Variants in PARD3 observed in about 807,000 individuals in gnomAD.
The protein encoded by PARD3 is partitioning defective 3 homolog.
A neutral mutation model predicts 155.4 loss-of-function variants in PARD3; 75 were observed. That is an observed-to-expected ratio of 0.48 (90% CI 0.40 to 0.58). PARD3 has a LOEUF of 0.58. PARD3 is among the 20% of genes least tolerant of loss of function. The pLI is 0.00. For missense variants in PARD3, 1,642 were observed against 1,721.7 expected, an observed-to-expected ratio of 0.95 and a Z score of 0.82; for synonymous variants, 576 against 610.5, an observed-to-expected ratio of 0.94 and a Z score of 0.83.
At chr10:34,381,912 CAAAAAAAAAAAAAAA>C (rs202053812) in intron 9 of PARD3, among the ~76,000 whole-genome samples, 141 of 71,884 alleles carry the variant, frequency 2.0e-3, no homozygotes, top group East Asian at 4.9e-3. Flanking sequence ...GGCCCTGTCT[CAAAAAAAAAAAAAAA>C]AAAAAAAAAA....
intron 2 of PARD3, among the ~76,000 whole-genome samples, chr10:34,684,834 T>TAC (rs1564504866): frequency 1.7e-4 from 14 of 84,132 alleles, no homozygotes; most frequent in African/African-American, 3.5e-4. Flanking sequence ...CACACACATA[T>TAC]ATACACACAC....
rs74785441 is a variant in PARD3, at chr10:34,372,618, G to T, written c.1669-82C>A. 1.7e-4 allele frequency: 172 copies of T among 1,028,218 alleles called. No homozygotes were observed. In the African/African-American group the frequency reaches 2.6e-3, roughly 15 times the overall value. The allele number at this position is 1,028,218 out of a possible 1,614,324, so 63.7% of individuals were successfully genotyped here. A position where few individuals can be genotyped will look rare whatever the true frequency, so the allele number is the denominator to read the frequency against. On this transcript the variant is annotated intron_variant, in intron 11 of 24. Transcript: ENST00000374788. ...CAGGGACACAATGATTTATTTTAAA[G>T]AAAATTTTGTTGATTCTTAAAATCC...
At chr10:34,749,562 C>G (rs1184925189) in intron 1 of PARD3, among the ~76,000 whole-genome samples, 2 of 151,542 alleles carry the variant, frequency 1.3e-5, no homozygotes, top group Non-Finnish European at 2.9e-5. Context: ...GTTTAAATCC[C>G]TAGGAAATAC....
At chr10:34,147,794 A>G (rs1948591054) in intron 22 of PARD3, among the ~76,000 whole-genome samples, 1 of 152,170 alleles carries the variant, frequency 6.6e-6, no homozygotes, top group Admixed American at 6.5e-5. Flanking sequence ...TTACCCAGCC[A>G]AGGTGCTGCC....
chr10:34,769,576 CA>C lies in PARD3; in HGVS notation c.120+45299del, dbSNP rs1838574628. 2.0e-5 allele frequency among the ~76,000 whole-genome samples: 3 copies of C among 151,532 alleles called. No homozygotes were observed. In the South Asian group the frequency reaches 6.3e-4, roughly 32 times the overall value. ...TCCGACACCAGCTTGGGCAACACGG[CA>C]AAAACCTGTCTCCATAAAAAATACA... is the stretch of plus-strand genomic sequence containing the variant. On this transcript the variant is annotated intron_variant, in intron 1 of 24. Coordinates refer to ENST00000374788, the MANE Select transcript of PARD3 (RefSeq NM_001184785.2).
At chr10:34,372,381 A>G (rs1246072741) in intron 12 of PARD3, 117 bp downstream of exon 12, 4 of 804,048 alleles carry the variant, frequency 5.0e-6, no homozygotes, top group Non-Finnish European at 8.6e-6. Context: ...AAACCCATGT[A>G]TTAAATATTA....
chr10:34,519,113 G>A (rs1360975665), intron 2 of PARD3, among the ~76,000 whole-genome samples: 1 of 152,126 alleles, frequency 6.6e-6, no homozygotes, highest in African/African-American at 2.4e-5. Context: ...AAGTATCAAG[G>A]GTCATGAAAG....
At chr10:34,288,329 A>C (rs1222910300) in intron 20 of PARD3, among the ~76,000 whole-genome samples, 1 of 152,202 alleles carries the variant, frequency 6.6e-6, no homozygotes, top group African/African-American at 2.4e-5. Context: ...AAATTATGTG[A>C]TTTCTTTAAG....
intron 22 of PARD3, among the ~76,000 whole-genome samples, chr10:34,262,629 C>T (rs954012575): frequency 6.6e-6 from 1 of 152,158 alleles, no homozygotes; most frequent in Admixed American, 6.5e-5. Context: ...TTGATGTAAA[C>T]AGAAATGCCA....
intron 2 of PARD3, among the ~76,000 whole-genome samples, chr10:34,628,690 C>A (rs1025157372): frequency 6.6e-6 from 1 of 152,204 alleles, no homozygotes; most frequent in Non-Finnish European, 1.5e-5. Context: ...AGCCACACTG[C>A]GCAGCACTGA....
chr10:34,238,430 G>A (rs527614368), intron 22 of PARD3, among the ~76,000 whole-genome samples: 1 of 152,222 alleles, frequency 6.6e-6, no homozygotes, highest in East Asian at 1.9e-4. Flanking sequence ...CTGAGGTTTT[G>A]TGTTAGCATT....
At chr10:34,781,684 A>G (rs1368947094) in intron 1 of PARD3, among the ~76,000 whole-genome samples, 1 of 152,222 alleles carries the variant, frequency 6.6e-6, no homozygotes, top group Non-Finnish European at 1.5e-5. Flanking sequence ...GAGTGCAGGA[A>G]AATAGAACAA....
chr10:34,582,000 G>C (rs1000386904), intron 2 of PARD3, among the ~76,000 whole-genome samples: 1 of 152,180 alleles, frequency 6.6e-6, no homozygotes, highest in Non-Finnish European at 1.5e-5. Flanking sequence ...GGAATGTTAA[G>C]AATAGGAAGC....
At chr10:34,211,456 A>AG (rs67709793) in intron 22 of PARD3, among the ~76,000 whole-genome samples, 4,188 of 152,322 alleles carry the variant, frequency 0.027, 87 homozygotes, top group Non-Finnish European at 0.041. Flanking sequence ...AAGGGAAAGC[A>AG]GAAACGACAG....
At chr10:34,772,240 T>C (rs1023581521) in intron 1 of PARD3, among the ~76,000 whole-genome samples, 14 of 150,804 alleles carry the variant, frequency 9.3e-5, no homozygotes, top group Non-Finnish European at 1.6e-4. Context: ...CTGGCCAACA[T>C]AGTGAAAGCC....
At chr10:34,341,865 T>TTAA in intron 15 of PARD3, 49 bp from the exon 16 acceptor site, 1 of 1,132,974 alleles carries the variant, frequency 8.8e-7, no homozygotes, top group Non-Finnish European at 1.3e-6. Flanking sequence ...TCGATCAAAG[T>TTAA]GTTACATCTA....
At chr10:34,532,175 T>C (rs1484408352) in intron 2 of PARD3, among the ~76,000 whole-genome samples, 1 of 152,234 alleles carries the variant, frequency 6.6e-6, no homozygotes, top group Non-Finnish European at 1.5e-5. Context: ...CAGATTTTTG[T>C]ATATTTTATG....
chr10:34,638,263 T>C (rs2092553921), intron 2 of PARD3, among the ~76,000 whole-genome samples: 1 of 152,174 alleles, frequency 6.6e-6, no homozygotes. Flanking sequence ...CCATGCTTTC[T>C]TCTTGGTTAC....
chr10:34,612,294 C>T (rs2090969972), intron 2 of PARD3, among the ~76,000 whole-genome samples: 1 of 152,048 alleles, frequency 6.6e-6, no homozygotes, highest in African/African-American at 2.4e-5. Context: ...TAATTAAAAA[C>T]AATTTTAACA....
Sources: gnomAD v4.1 joint callset for allele counts (sites outside exome capture counted in the v4.1 genomes callset) on GRCh38, gnomAD v4.1.1 for gene constraint, MANE v1.5 for transcripts, NCBI Gene and HGNC (gene_info 2026-07-23, HGNC 2026-07-21) for gene names.